The following TECPR2 variants were observed in gnomAD, a reference collection of about 807,000 sequenced individuals.
TECPR2 encodes the protein tectonin beta-propeller repeat containing 2.
TECPR2 carries 65 observed loss-of-function variants against 138.1 expected under a neutral mutation model. The ratio of observed to expected loss-of-function variants is 0.47; its 90% CI spans 0.39 to 0.58. The LOEUF is 0.58. Ranked by LOEUF, TECPR2 falls within the 20% of genes least tolerant of loss-of-function variation. TECPR2 has a pLI of 0.00. For missense variants in TECPR2, 1,553 were observed against 1,824.5 expected, an observed-to-expected ratio of 0.85 and a Z score of 2.71; for synonymous variants, 746 against 749.8, an observed-to-expected ratio of 0.99 and a Z score of 0.08.
At chr14:102,494,824 C>CAAA (rs527379957) in intron 17 of TECPR2, among the ~76,000 whole-genome samples, 2 of 64,056 alleles carry the variant, frequency 3.1e-5, no homozygotes, top group Non-Finnish European at 3.3e-5. Flanking sequence ...AACTCCGTCT[C>CAAA]AAAAAAAAAA....
intron 10 of TECPR2, chr14:102,438,549 C>T (rs1247509877): frequency 9.6e-6 from 2 of 207,752 alleles, no homozygotes; most frequent in Non-Finnish European, 1.9e-5. Flanking sequence ...ACTAACTCTT[C>T]ATAAAAATAA....
Position 102,449,726 on chromosome 14 carries a change from T to C in TECPR2, c.3173T>C (p.Val1058Ala). ...GTGGCCACAGCAGCCCAAGCCCCCGTAGAAAAGGTGGCAGATAAGCTGCGC... is the reference window on the plus strand; with the variant it reads ...GTGGCCACAGCAGCCCAAGCCCCCGCAGAAAAGGTGGCAGATAAGCTGCGC... ...HSVATAAQAPVEKVADKLRMA... is the reference protein window; with the variant it reads ...HSVATAAQAPAEKVADKLRMA... Residue 1058 changes from valine to alanine, a missense_variant, in exon 14 of 20, where the codon GTA becomes GCA. Physicochemically the swap from Val to Ala is moderately conservative, Grantham distance 64. Coordinates refer to ENST00000359520, the MANE Select transcript of TECPR2 (RefSeq NM_014844.5). 1 of 1,614,188 alleles carries C rather than the reference T, an allele frequency of 6.2e-7. No individual in the cohort carries two copies. Among genetic ancestry groups the C allele is most frequent in the Non-Finnish European group, 8.5e-7 (1 of 1,180,038 alleles).
At chr14:102,480,211 G>GTTTTT (rs781152101) in intron 17 of TECPR2, among the ~76,000 whole-genome samples, 4 of 71,368 alleles carry the variant, frequency 5.6e-5, no homozygotes, top group East Asian at 3.9e-4. Context: ...ATCTTGGTTG[G>GTTTTT]TTTTTTTTTT....
chr14:102,397,181 G>A (rs1888336932), intron 2 of TECPR2, among the ~76,000 whole-genome samples: 1 of 152,004 alleles, frequency 6.6e-6, no homozygotes, highest in African/African-American at 2.4e-5. Flanking sequence ...TGGCACAGAC[G>A]GCCTACAGTA....
chr14:102,497,194 C>T, intron 18 of TECPR2, 74 bp downstream of exon 18: 1 of 1,538,450 alleles, frequency 6.5e-7, no homozygotes, highest in Non-Finnish European at 8.7e-7. Context: ...TGGGCGCTCC[C>T]TCCAGGCCGC....
At chr14:102,488,484 C>T (rs975055211) in intron 17 of TECPR2, among the ~76,000 whole-genome samples, 1 of 151,894 alleles carries the variant, frequency 6.6e-6, no homozygotes, top group Non-Finnish European at 1.5e-5. Flanking sequence ...GGATTACAGG[C>T]GCCCCCCACC....
At position 102,498,319 on chromosome 14, in the gene TECPR2, A is replaced by G; in HGVS notation, c.*62A>G. On this transcript the variant is annotated 3_prime_UTR_variant, in exon 20 of 20. Coordinates refer to ENST00000359520, the MANE Select transcript of TECPR2 (RefSeq NM_014844.5). ...TCTGTGGCGGGCACAGGGGCTTCAGAGTGACTCCCTGGTGGACGCGCTGCC... is the reference window on the plus strand; with the variant it reads ...TCTGTGGCGGGCACAGGGGCTTCAGGGTGACTCCCTGGTGGACGCGCTGCC... 6.5e-7 allele frequency: 1 copy of G among 1,526,760 alleles called. No individual in the cohort carries two copies. The highest frequency in any genetic ancestry group is 2.3e-4 in the Middle Eastern group (1 of 4,350). 94.6% of individuals were successfully genotyped at this position (1,526,760 alleles called of 1,614,324 possible).
chr14:102,449,966 A>G, intron 14 of TECPR2, 97 bp downstream of exon 14: 1 of 1,535,318 alleles, frequency 6.5e-7, no homozygotes, highest in South Asian at 1.2e-5. Context: ...ACTTGAAAAG[A>G]TAATTTAGTG....
Position 102,457,581 on chromosome 14 carries a change from G to T in TECPR2, c.3640+4954G>T, listed in dbSNP as rs923911780. Among the ~76,000 whole-genome samples, 6 of 152,062 alleles carry T rather than the reference G, an allele frequency of 3.9e-5. No homozygotes were observed. In the South Asian group the frequency reaches 6.2e-4, roughly 16 times the overall value. ...TGTTACTTATCTGGAATTAATTGGG[G>T]TGCTTCATTTATTTTTTACAAGTCA... On this transcript the variant is annotated intron_variant, in intron 16 of 19. Transcript: ENST00000359520.
chr14:102,379,383 A>G (rs1887729455), intron 2 of TECPR2, among the ~76,000 whole-genome samples: 1 of 151,896 alleles, frequency 6.6e-6, no homozygotes, highest in Non-Finnish European at 1.5e-5. Context: ...TCCTAGTCAC[A>G]CTGCTAAAGA....
At chr14:102,369,427 C>T (rs1306640051) in intron 1 of TECPR2, among the ~76,000 whole-genome samples, 1 of 152,094 alleles carries the variant, frequency 6.6e-6, no homozygotes, top group Non-Finnish European at 1.5e-5. Context: ...CTTGCTCTGT[C>T]ACCTAGGCTG....
At chr14:102,388,020 C>A (rs1251861104) in intron 2 of TECPR2, among the ~76,000 whole-genome samples, 1 of 152,204 alleles carries the variant, frequency 6.6e-6, no homozygotes, top group Non-Finnish European at 1.5e-5. Flanking sequence ...CAGAATGTTA[C>A]AAGTATTTCA....
chr14:102,363,197 C>T (rs374596802), intron 1 of TECPR2, 81 bp downstream of exon 1: 1 of 280,464 alleles, frequency 3.6e-6, no homozygotes, highest in East Asian at 6.6e-5. Context: ...TCGGCCTCCC[C>T]CGGGCCACTC....
At chr14:102,432,890 G>A (rs1889549318) in intron 8 of TECPR2, among the ~76,000 whole-genome samples, 1 of 151,692 alleles carries the variant, frequency 6.6e-6, no homozygotes, top group African/African-American at 2.4e-5. Context: ...TGTAATCTCA[G>A]TCACTCGGGA....
At chr14:102,372,824 G>T (rs1252604735) in intron 1 of TECPR2, among the ~76,000 whole-genome samples, 2 of 152,010 alleles carry the variant, frequency 1.3e-5, no homozygotes, top group African/African-American at 4.8e-5. Flanking sequence ...GGAGGCTGAG[G>T]CACAAGAATC....
At position 102,498,240 on chromosome 14, in the gene TECPR2, G is replaced by T. The variant is rs370715258; in HGVS notation, c.4219G>T (p.Glu1407Ter). The T allele has an allele frequency of 6.2e-7, 1 of 1,602,818 alleles. No individual in the cohort carries two copies. Among genetic ancestry groups the T allele is most frequent in the African/African-American group, 1.3e-5 (1 of 74,938 alleles). ...AMPHPEDLED[E>*]WEVI ...GCCCCACCCTGAGGACCTGGAGGAC[G>T]AGTGGGAGGTCATCTGAAGGAGCCC... The change falls in exon 20 of 20, where the codon GAG becomes TAG. Residue 1407 changes from glutamate to a stop codon, truncating the protein, a stop_gained. Coordinates refer to ENST00000359520, the MANE Select transcript of TECPR2 (RefSeq NM_014844.5). LOFTEE classifies it high-confidence loss of function.
intron 5 of TECPR2, 35 bp from the exon 6 acceptor site, chr14:102,424,944 G>A (rs1468447218): frequency 1.3e-6 from 2 of 1,576,552 alleles, no homozygotes; most frequent in South Asian, 2.3e-5. Flanking sequence ...GTCCATGTCT[G>A]TTTTTTGTTC....
chr14:102,455,333 G>A (rs1890250036), intron 16 of TECPR2, among the ~76,000 whole-genome samples: 1 of 152,212 alleles, frequency 6.6e-6, no homozygotes. Flanking sequence ...AGCAGTGGGT[G>A]CAAGGAGGTC....
intron 11 of TECPR2, among the ~76,000 whole-genome samples, chr14:102,442,761 C>T (rs931282303): frequency 1.3e-5 from 2 of 152,196 alleles, no homozygotes; most frequent in African/African-American, 2.4e-5. Flanking sequence ...ACTATAGGTG[C>T]GTCTGTGATT....
Sources: allele counts gnomAD v4.1 joint callset (sites outside exome capture counted in the v4.1 genomes callset), GRCh38; gene constraint gnomAD v4.1.1; transcripts MANE v1.5; gene names NCBI Gene and HGNC (gene_info 2026-07-23, HGNC 2026-07-21).